The following FBN1 variants were observed in gnomAD, a reference collection of about 807,000 sequenced individuals.
FBN1 encodes fibrillin 1.
FBN1 carries 29 observed loss-of-function variants against 365.1 expected under a neutral mutation model. The observed-to-expected ratio is 0.08, with a 90% CI of 0.06 to 0.11. FBN1 has a LOEUF of 0.11. Ranked by LOEUF, FBN1 falls within the 10% of genes least tolerant of loss-of-function variation. The pLI is 1.00. For synonymous variants in FBN1, 1,210 were observed against 1,270.5 expected (o/e 0.95, Z 1.01); for missense variants, 2,476 against 3,703.2 (o/e 0.67, Z 8.60).
chr15:48,603,694 T>C (rs1462121848), intron 4 of FBN1, among the ~76,000 whole-genome samples: 1 of 152,170 alleles, frequency 6.6e-6, no homozygotes, highest in Non-Finnish European at 1.5e-5. Flanking sequence ...GCTGTATTCT[T>C]TACTGGATGC....
chr15:48,640,191 C>T (rs959799279), intron 2 of FBN1, among the ~76,000 whole-genome samples: 3 of 152,146 alleles, frequency 2.0e-5, no homozygotes, highest in Non-Finnish European at 2.9e-5. Context: ...CCAACTTACA[C>T]ATTTTTATAA....
chr15:48,461,566 G>GAT (rs1011956191), intron 42 of FBN1, among the ~76,000 whole-genome samples: 2 of 145,898 alleles, frequency 1.4e-5, no homozygotes, highest in African/African-American at 2.8e-5. Flanking sequence ...CACATACATA[G>GAT]ATATATATAC....
chr15:48,495,352 G>T (rs1218535280), intron 21 of FBN1, 92 bp from the exon 22 acceptor site: 1 of 1,593,036 alleles, frequency 6.3e-7, no homozygotes, highest in Non-Finnish European at 8.6e-7. Context: ...TTGAAACAAG[G>T]AATAATGAAG....
At chr15:48,621,890 C>T (rs1366032824) in intron 2 of FBN1, among the ~76,000 whole-genome samples, 3 of 149,928 alleles carry the variant, frequency 2.0e-5, no homozygotes, top group Admixed American at 1.3e-4. Flanking sequence ...CCCAGCTACT[C>T]GGGAGGCTGA....
rs954525312 is a variant in FBN1 at position 48,483,776 on chromosome 15, G to A, written c.3838+42C>T. 1 of 1,610,662 alleles carries A rather than the reference G, an allele frequency of 6.2e-7. No individual in the cohort carries two copies. The highest frequency in any genetic ancestry group is 8.5e-7 in the Non-Finnish European group (1 of 1,178,762). On this transcript the variant is annotated intron_variant, in intron 31 of 65. Transcript: ENST00000316623. The stretch of plus-strand genomic sequence containing the variant: ...CTTTATGTAATTTAACAGTGCTTAT[G>A]ACTAACAAGACAAGATGAAAAATTC...
At chr15:48,465,511 T>G (rs2043313268) in intron 40 of FBN1, 57 bp downstream of exon 40, 1 of 1,603,262 alleles carries the variant, frequency 6.2e-7, no homozygotes, top group Non-Finnish European at 8.5e-7. Flanking sequence ...ATATTCTGGT[T>G]TTGCAGGTCA....
At chr15:48,601,772 C>T (rs2044569805) in intron 4 of FBN1, among the ~76,000 whole-genome samples, 1 of 152,150 alleles carries the variant, frequency 6.6e-6, no homozygotes, top group South Asian at 2.1e-4. Flanking sequence ...TCTTCTATAC[C>T]CTTCCTTTTA....
chr15:48,420,784 G>T lies in FBN1; in HGVS notation c.7722C>A (p.Asn2574Lys). Residue 2574 changes from asparagine (N) to lysine (K), a missense_variant, in exon 63 of 66, where the codon AAC (asparagine) becomes AAA (lysine). Transcript: ENST00000316623. ...TCTGGCAGCCATGCTGGCAGCGGTG[G>T]TTACCCTCACACTCGTCCACGTCTG... is the stretch of plus-strand genomic sequence containing the variant. ...SCEDVDECEG[N>K]HRCQHGCQNI... 2 of 1,614,034 alleles carry T rather than the reference G, an allele frequency of 1.2e-6. No individual in the cohort carries two copies. Among genetic ancestry groups the T allele is most frequent in the East Asian group, 4.5e-5 (2 of 44,876 alleles).
At chr15:48,560,487 A>G (rs2044215125) in intron 6 of FBN1, among the ~76,000 whole-genome samples, 1 of 152,146 alleles carries the variant, frequency 6.6e-6, no homozygotes, top group South Asian at 2.1e-4. Context: ...AGAGGATGAG[A>G]GAGTCAAATG....
At chr15:48,441,955 C>A (rs1747080785) in intron 49 of FBN1, 109 bp from the exon 50 acceptor site, 1 of 1,177,168 alleles carries the variant, frequency 8.5e-7, no homozygotes, top group Admixed American at 1.7e-5. Context: ...CAAACTCTTA[C>A]AATAATAAAG....
intron 5 of FBN1, among the ~76,000 whole-genome samples, chr15:48,597,495 T>C (rs1391087051): frequency 1.3e-5 from 2 of 152,212 alleles, no homozygotes; most frequent in Admixed American, 6.5e-5. Context: ...TTCTATGCAA[T>C]TGTCCTTCCT....
At chr15:48,583,259 T>C (rs977976181) in intron 6 of FBN1, among the ~76,000 whole-genome samples, 1 of 152,236 alleles carries the variant, frequency 6.6e-6, no homozygotes, top group Non-Finnish European at 1.5e-5. Context: ...CAGCATAACA[T>C]CACACCTTTT....
intron 54 of FBN1, 86 bp downstream of exon 54, chr15:48,434,508 T>C (rs2043048930): frequency 6.6e-7 from 1 of 1,515,208 alleles, no homozygotes; most frequent in African/African-American, 1.4e-5. Flanking sequence ...ACACCCTGAG[T>C]TGTATTTAAT....
chr15:48,437,083 G>T lies in FBN1; in HGVS notation c.6380-6C>A. ...TTCTTTGCATTCGTCCATATCTTAA[G>T]CAAGAGAAAAAAAATAGTGAATAAC... On this transcript the variant is annotated splice_region_variant and splice_polypyrimidine_tract_variant and intron_variant, in intron 52 of 65. Coordinates refer to ENST00000316623, the MANE Select transcript of FBN1 (RefSeq NM_000138.5). 1 of 1,583,444 alleles carries T rather than the reference G, an allele frequency of 6.3e-7. No individual in the cohort carries two copies. The highest frequency in any genetic ancestry group is 8.7e-7 in the Non-Finnish European group (1 of 1,152,530).
At chr15:48,628,208 C>T (rs1033388871) in intron 2 of FBN1, among the ~76,000 whole-genome samples, 1 of 152,076 alleles carries the variant, frequency 6.6e-6, no homozygotes, top group Non-Finnish European at 1.5e-5. Flanking sequence ...CTTGTCCCTA[C>T]CTTCCTTTCC....
chr15:48,415,715 G>A lies in FBN1; in HGVS notation c.7872C>T (p.Asn2624=), dbSNP rs539185798. The change falls in exon 64 of 66, where the codon AAC becomes AAT. Residue 2624 remains asparagine, a synonymous_variant. Coordinates refer to ENST00000316623, the MANE Select transcript of FBN1 (RefSeq NM_000138.5). ...AHICGGASCH[N]TLGSYKCMCP... ...ACATGCACTTGTAGCTCCCCAGGGT[G>A]TTGTGACAGGAGGCTCCTCCGCAGA... 6.8e-6 allele frequency: 11 copies of A among 1,614,244 alleles called. No individual in the cohort carries two copies. The highest frequency in any genetic ancestry group is 1.7e-5 in the Admixed American group (1 of 60,034).
intron 2 of FBN1, 96 bp from the exon 3 acceptor site, chr15:48,613,188 C>A: frequency 1.1e-6 from 1 of 906,246 alleles, no homozygotes; most frequent in Non-Finnish European, 1.8e-6. Context: ...GTTATAAAAG[C>A]AAGATGAATC....
intron 43 of FBN1, among the ~76,000 whole-genome samples, chr15:48,458,306 T>C (rs1291837793): frequency 2.0e-5 from 3 of 152,156 alleles, no homozygotes; most frequent in Non-Finnish European, 2.9e-5. Flanking sequence ...TTTGATGTCA[T>C]AGATTTATTT....
intron 43 of FBN1, among the ~76,000 whole-genome samples, chr15:48,457,077 G>T (rs1185409396): frequency 6.6e-6 from 1 of 152,120 alleles, no homozygotes; most frequent in East Asian, 1.9e-4. Flanking sequence ...AGAATAGAGG[G>T]ATGGTCAAGG....
Sources: allele counts gnomAD v4.1 joint callset (sites outside exome capture counted in the v4.1 genomes callset), GRCh38; gene constraint gnomAD v4.1.1; transcripts MANE v1.5; gene names NCBI Gene and HGNC (gene_info 2026-07-23, HGNC 2026-07-21).